Variants in KLHL29 observed in about 807,000 individuals in gnomAD.
KLHL29 encodes kelch-like protein 29.
A neutral mutation model predicts 80.4 loss-of-function variants in KLHL29; 21 were observed. That is an observed-to-expected ratio of 0.26 (90% CI 0.19 to 0.38). The LOEUF is 0.38. Among genes scored for constraint, KLHL29 ranks in the 10% least tolerant of loss-of-function variants. KLHL29 has a pLI of 1.00. For missense variants in KLHL29, 867 were observed against 1,223.9 expected (o/e 0.71, Z 4.35); for synonymous variants, 511 against 526.8 (o/e 0.97, Z 0.41).
intron 3 of KLHL29, among the ~76,000 whole-genome samples, chr2:23,598,513 G>A (rs1357730613): frequency 6.6e-6 from 1 of 152,204 alleles, no homozygotes; most frequent in East Asian, 1.9e-4. Flanking sequence ...GTTCCCTGGT[G>A]CACAGTGCCT....
intron 5 of KLHL29, among the ~76,000 whole-genome samples, chr2:23,673,914 C>G (rs529527765): frequency 6.6e-6 from 1 of 152,188 alleles, no homozygotes; most frequent in Non-Finnish European, 1.5e-5. Flanking sequence ...CACACACACT[C>G]ACAACCATGT....
intron 1 of KLHL29, among the ~76,000 whole-genome samples, chr2:23,458,844 A>G (rs928196517): frequency 3.3e-5 from 5 of 152,196 alleles, no homozygotes; most frequent in African/African-American, 9.7e-5. Context: ...TGGTGCATGC[A>G]TGGTCTTGGA....
At chr2:23,416,994 C>T (rs1391794569) in intron 1 of KLHL29, among the ~76,000 whole-genome samples, 2 of 152,156 alleles carry the variant, frequency 1.3e-5, no homozygotes, top group Non-Finnish European at 2.9e-5. Flanking sequence ...AACCCCAGCC[C>T]AAATCTCTTC....
intron 1 of KLHL29, among the ~76,000 whole-genome samples, chr2:23,455,781 TGTTA>T: frequency 6.6e-6 from 1 of 152,104 alleles, no homozygotes; most frequent in East Asian, 1.9e-4. Flanking sequence ...GTGGTTCATT[TGTTA>T]GTCAGCCACA....
chr2:23,706,451 C>CTAA, intron 13 of KLHL29, 30 bp from the exon 14 acceptor site: 1 of 1,436,176 alleles, frequency 7.0e-7, no homozygotes, highest in Non-Finnish European at 9.1e-7. Context: ...AAGTGAAATG[C>CTAA]CTAACTCTGT....
intron 11 of KLHL29, among the ~76,000 whole-genome samples, chr2:23,698,870 G>A (rs538086536): frequency 3.3e-5 from 5 of 152,136 alleles, no homozygotes; most frequent in Non-Finnish European, 7.4e-5. Flanking sequence ...CAGGAAATTC[G>A]CATTTGGTGC....
chr2:23,507,020 G>T (rs1184381547), intron 2 of KLHL29: 1 of 361,932 alleles, frequency 2.8e-6, no homozygotes, highest in Admixed American at 3.0e-5. Flanking sequence ...TTTATAGAAT[G>T]CAGAAAAGCT....
At chr2:23,659,909 G>C (rs1670358119) in intron 5 of KLHL29, among the ~76,000 whole-genome samples, 1 of 151,862 alleles carries the variant, frequency 6.6e-6, no homozygotes, top group Admixed American at 6.6e-5. Flanking sequence ...GCACCACCTG[G>C]CCAGGCCCTC....
Position 23,489,837 on chromosome 2 carries a change from G to C in KLHL29, c.-46+14170G>C, listed in dbSNP as rs574272234. Among the ~76,000 whole-genome samples, 3 of 152,304 alleles carry C rather than the reference G, an allele frequency of 2.0e-5. No individual in the cohort carries two copies. In the East Asian group the frequency reaches 5.8e-4, roughly 29 times the overall value. ...GGGTGGGCGGTACCCACACCAAGGAGGAGGTGCCCACATCAGGTCCTAAGG... is the reference window on the plus strand; with the variant it reads ...GGGTGGGCGGTACCCACACCAAGGACGAGGTGCCCACATCAGGTCCTAAGG... On this transcript the variant is annotated intron_variant, in intron 2 of 13. Coordinates refer to ENST00000486442, the MANE Select transcript of KLHL29 (RefSeq NM_052920.2).
chr2:23,397,333 G>A (rs766948535), intron 1 of KLHL29, among the ~76,000 whole-genome samples: 2 of 152,202 alleles, frequency 1.3e-5, no homozygotes, highest in Non-Finnish European at 2.9e-5. Context: ...TCAGAGCTAC[G>A]GCCCTGCTCA....
intron 1 of KLHL29, among the ~76,000 whole-genome samples, chr2:23,461,976 A>ATTT (rs10659814): frequency 0.064 from 9,057 of 141,222 alleles, 572 homozygotes; most frequent in African/African-American, 0.17. Context: ...GGTTTTTGCC[A>ATTT]TTTTTTTTTT....
intron 3 of KLHL29, among the ~76,000 whole-genome samples, chr2:23,604,899 G>A (rs549364287): frequency 4.5e-4 from 69 of 152,290 alleles, no homozygotes; most frequent in Non-Finnish European, 2.9e-5. Flanking sequence ...GGCCAGGGAA[G>A]CAGTTGTCCC....
At chr2:23,569,569 A>G (rs550425926) in intron 3 of KLHL29, among the ~76,000 whole-genome samples, 4 of 152,292 alleles carry the variant, frequency 2.6e-5, no homozygotes, top group African/African-American at 7.2e-5. Flanking sequence ...TATGGGTTAA[A>G]TAGGCTTTGG....
At chr2:23,703,089 G>C in intron 11 of KLHL29, 97 bp from the exon 12 acceptor site, 1 of 862,654 alleles carries the variant, frequency 1.2e-6, no homozygotes, top group Non-Finnish European at 1.6e-6. Flanking sequence ...GCCATGCTGA[G>C]GGCGAGGAGC....
At chr2:23,459,183 T>A (rs1664142847) in intron 1 of KLHL29, among the ~76,000 whole-genome samples, 1 of 152,168 alleles carries the variant, frequency 6.6e-6, no homozygotes, top group Non-Finnish European at 1.5e-5. Context: ...GTGTGCTCTA[T>A]TCTGAGACAG....
At chr2:23,480,199 C>T (rs1664749984) in intron 2 of KLHL29, among the ~76,000 whole-genome samples, 1 of 152,208 alleles carries the variant, frequency 6.6e-6, no homozygotes, top group Admixed American at 6.5e-5. Flanking sequence ...TTAAGAATTA[C>T]AGATGGCCCG....
At chr2:23,437,306 G>A (rs1433500690) in intron 1 of KLHL29, among the ~76,000 whole-genome samples, 1 of 152,226 alleles carries the variant, frequency 6.6e-6, no homozygotes, top group Non-Finnish European at 1.5e-5. Context: ...CTATGAGATT[G>A]CAACTTGGTG....
intron 1 of KLHL29, among the ~76,000 whole-genome samples, chr2:23,472,261 G>A (rs374656934): frequency 1.4e-4 from 22 of 152,196 alleles, no homozygotes; most frequent in African/African-American, 5.1e-4. Context: ...GTTTCTGGTT[G>A]GGGTCGGCAA....
In KLHL29 at chr2:23,485,661, GTTCA is replaced by G. The variant is rs146924416; in HGVS notation, c.-46+10003_-46+10006del. Among the ~76,000 whole-genome samples the G allele has an allele frequency of 5.5e-3, 845 of 152,298 alleles. 7 individuals are homozygous for G. The highest frequency in any genetic ancestry group is 0.019 in the African/African-American group (798 of 41,566). ...TATTCAGAGGGTCCTCACGGCCTTT[GTTCA>G]TTCATTCAGGCAACAGCAAGCAGCA... On this transcript the variant is annotated intron_variant, in intron 2 of 13. Transcript: ENST00000486442.
Sources: allele counts gnomAD v4.1 joint callset (sites outside exome capture counted in the v4.1 genomes callset), GRCh38; gene constraint gnomAD v4.1.1; transcripts MANE v1.5; gene names NCBI Gene and HGNC (gene_info 2026-07-23, HGNC 2026-07-21).